Variants in PDZD2 observed in about 807,000 individuals in gnomAD.
PDZD2 encodes PDZ domain-containing protein 2.
Under a neutral mutation model 220.7 loss-of-function variants are expected in PDZD2, and 90 were observed. The ratio of observed to expected loss-of-function variants is 0.41; its 90% CI spans 0.34 to 0.49. The LOEUF (loss-of-function observed/expected upper bound fraction) is 0.49, where lower values mean the gene tolerates loss of function less well. PDZD2 is among the 20% of genes least tolerant of loss of function. The probability of loss-of-function intolerance (pLI) is 0.28; values close to 1 mark genes in which losing one functional copy is unlikely to be tolerated. For missense variants in PDZD2, 3,174 were observed against 3,608.5 expected (o/e 0.88, Z 3.08); for synonymous variants, 1,375 against 1,450.5 (o/e 0.95, Z 1.18).
chr5:31,675,867 AATTTTTCTATTTTTGGTAGAG>A (rs1344223029), intron 1 of PDZD2, among the ~76,000 whole-genome samples: 1 of 151,972 alleles, frequency 6.6e-6, no homozygotes, highest in Non-Finnish European at 1.5e-5. Context: ...ATGCCCAGCT[AATTTTTCTATTTTTGGTAGAG>A]ACACTGTTCT....
intron 2 of PDZD2, among the ~76,000 whole-genome samples, chr5:31,960,285 C>T (rs145333296): frequency 6.6e-6 from 1 of 151,826 alleles, no homozygotes; most frequent in South Asian, 2.1e-4. Flanking sequence ...GGCGCGATCT[C>T]GGCTCACCAC....
intron 2 of PDZD2, among the ~76,000 whole-genome samples, chr5:31,964,323 GCCTGAGGGA>G (rs1748523687): frequency 6.6e-6 from 1 of 152,236 alleles, no homozygotes. Flanking sequence ...AGGTAGATGA[GCCTGAGGGA>G]CTCATCTCTG....
At chr5:31,943,231 G>A (rs1026639140) in intron 2 of PDZD2, among the ~76,000 whole-genome samples, 3 of 151,694 alleles carry the variant, frequency 2.0e-5, no homozygotes, top group Non-Finnish European at 2.9e-5. Context: ...AGACAAAATC[G>A]ATTTTGGCTT....
At chr5:31,850,634 C>CTTTTTTTT (rs1202109766) in intron 2 of PDZD2, among the ~76,000 whole-genome samples, 1 of 118,326 alleles carries the variant, frequency 8.5e-6, no homozygotes. Flanking sequence ...TACCCAAATT[C>CTTTTTTTT]TTTTTTTTTT....
In PDZD2 at chr5:32,109,480, A is replaced by C. The variant is rs1374418019; in HGVS notation, c.*1345A>C. The C allele has an allele frequency of 6.6e-6, 1 of 152,218 alleles. No homozygotes were observed. Among genetic ancestry groups the C allele is most frequent in the African/African-American group, 2.4e-5 (1 of 41,452 alleles). 9.4% of individuals were successfully genotyped at this position (152,218 alleles called of 1,614,324 possible). A position where few individuals can be genotyped will look rare whatever the true frequency, so the allele number is the denominator to read the frequency against. ...CCGATTGGATATTCCGTTCGTCGTC[A>C]CATAGCTGGCTTTTCTCTCCTCATG... On this transcript the variant is annotated 3_prime_UTR_variant, in exon 25 of 25. Coordinates refer to ENST00000438447, the MANE Select transcript of PDZD2 (RefSeq NM_178140.4).
intron 2 of PDZD2, among the ~76,000 whole-genome samples, chr5:31,886,552 G>A (rs992313154): frequency 1.3e-4 from 20 of 151,892 alleles, no homozygotes; most frequent in African/African-American, 4.8e-5. Context: ...CTCCCTGATG[G>A]AAACTGCTTT....
At chr5:31,976,046 A>G (rs149773601) in intron 2 of PDZD2, among the ~76,000 whole-genome samples, 44 of 152,074 alleles carry the variant, frequency 2.9e-4, no homozygotes, top group African/African-American at 1.0e-3. Flanking sequence ...TATTCAGCCA[A>G]AAAAATTCCA....
chr5:31,787,158 G>A (rs546229197), intron 1 of PDZD2, among the ~76,000 whole-genome samples: 1 of 152,298 alleles, frequency 6.6e-6, no homozygotes, highest in Non-Finnish European at 1.5e-5. Flanking sequence ...CTCTCTTGCT[G>A]CTAACACAGA....
At chr5:31,901,394 G>C (rs1414145821) in intron 2 of PDZD2, among the ~76,000 whole-genome samples, 1 of 150,170 alleles carries the variant, frequency 6.7e-6, no homozygotes, top group Non-Finnish European at 1.5e-5. Context: ...CTCCAGCCTG[G>C]GTGACAGAGC....
rs114020971 is a variant in PDZD2 at position 31,672,108 on chromosome 5, C to T, written c.-361+32671C>T. 8.9e-3 allele frequency among the ~76,000 whole-genome samples: 1,353 copies of T among 152,262 alleles called. 15 individuals are homozygous for T. The highest frequency in any genetic ancestry group is 0.031 in the African/African-American group (1,280 of 41,554). ...TCCCAATAGTGATGACCAAAAATGT[C>T]TCCAGACATTGCCAGGCATACCCTA... is the stretch of plus-strand genomic sequence containing the variant. On this transcript the variant is annotated intron_variant, in intron 1 of 24. Transcript: ENST00000438447.
chr5:31,872,865 CTA>C (rs1738949616), intron 2 of PDZD2, among the ~76,000 whole-genome samples: 1 of 152,054 alleles, frequency 6.6e-6, no homozygotes, highest in East Asian at 1.9e-4. Flanking sequence ...TCCCATATGA[CTA>C]TAATGGAACA....
chr5:31,689,924 G>A (rs901667787), intron 1 of PDZD2, among the ~76,000 whole-genome samples: 1 of 152,168 alleles, frequency 6.6e-6, no homozygotes, highest in Non-Finnish European at 1.5e-5. Flanking sequence ...TTAGGAAGGA[G>A]AAAGAGAAAT....
At chr5:32,081,754 C>T (rs1208429372) in intron 19 of PDZD2, among the ~76,000 whole-genome samples, 3 of 152,210 alleles carry the variant, frequency 2.0e-5, no homozygotes, top group Non-Finnish European at 4.4e-5. Context: ...CGGAGTCTTG[C>T]TCTGTTGCCC....
In PDZD2 at chr5:32,077,471, G is replaced by A; in HGVS notation, c.3547G>A (p.Gly1183Arg). The change falls in exon 19 of 25, where the codon GGA becomes AGA. Residue 1183 changes from glycine (G) to arginine (R), a missense_variant. This residue lies in a region of PDZD2 where 1,861 missense variants were observed against 2,001.0 expected (regional missense o/e 0.93). Transcript: ENST00000438447. ...GTTGTCATTGTGCCAGGAATCTCTG[G>A]GAAAGCTGACCACTGGAGATGCTTG... is the stretch of plus-strand genomic sequence containing the variant. The part of the protein sequence containing the change: ...PGGAVEKESL[G>R]KLTTGDACVS... 1 of 1,613,802 alleles carries A rather than the reference G, an allele frequency of 6.2e-7. No individual in the cohort carries two copies. The highest frequency in any genetic ancestry group is 8.5e-7 in the Non-Finnish European group (1 of 1,180,010).
chr5:31,778,320 C>T (rs761254224), intron 1 of PDZD2, among the ~76,000 whole-genome samples: 28 of 152,284 alleles, frequency 1.8e-4, no homozygotes, highest in Admixed American at 2.6e-4. Context: ...GCAAGAGGCT[C>T]GGGTCCCCTT....
chr5:31,991,743 T>C (rs1392409223), intron 3 of PDZD2, among the ~76,000 whole-genome samples: 1 of 152,140 alleles, frequency 6.6e-6, no homozygotes, highest in Non-Finnish European at 1.5e-5. Flanking sequence ...AACTGACAAT[T>C]GTGGGCCCGG....
intron 2 of PDZD2, among the ~76,000 whole-genome samples, chr5:31,969,305 G>A (rs922506409): frequency 2.0e-5 from 3 of 151,932 alleles, no homozygotes; most frequent in South Asian, 2.1e-4. Context: ...TCAGGAGTTC[G>A]AGACCAGCCT....
At chr5:31,865,096 C>T (rs1023985558) in intron 2 of PDZD2, among the ~76,000 whole-genome samples, 27 of 151,998 alleles carry the variant, frequency 1.8e-4, no homozygotes, top group African/African-American at 6.5e-4. Flanking sequence ...ATCCGCCCGC[C>T]TCAGCCTCCC....
intron 8 of PDZD2, among the ~76,000 whole-genome samples, chr5:32,051,654 G>A (rs761748395): frequency 4.6e-5 from 7 of 152,180 alleles, no homozygotes; most frequent in Non-Finnish European, 7.3e-5. Flanking sequence ...GCTTACACGC[G>A]TGTATATTAT....
Sources: allele counts gnomAD v4.1 joint callset (sites outside exome capture counted in the v4.1 genomes callset), GRCh38; gene constraint gnomAD v4.1.1; regional missense constraint gnomAD v4.1.1; transcripts MANE v1.5; gene names NCBI Gene and HGNC (gene_info 2026-07-23, HGNC 2026-07-21).